MKI67: variants seen among roughly 807,000 people sequenced by gnomAD.
The protein encoded by MKI67 is marker of proliferation Ki-67, also known as proliferation marker protein Ki-67.
Under a neutral mutation model 233.5 loss-of-function variants are expected in MKI67, and 152 were observed. The observed-to-expected ratio is 0.65, with a 90% CI of 0.57 to 0.74. MKI67 has a LOEUF of 0.74. Among genes scored for constraint, MKI67 ranks in the 30% least tolerant of loss-of-function variants. The probability of loss-of-function intolerance (pLI) is 0.00; values close to 1 mark genes in which losing one functional copy is unlikely to be tolerated. For synonymous variants in MKI67, 1,465 were observed against 1,418.5 expected (o/e 1.03, Z -0.74); for missense variants, 3,940 against 3,885.2 (o/e 1.01, Z -0.37).
Position 128,105,614 on chromosome 10 carries a change from G to C in MKI67, c.6226C>G (p.Leu2076Val). 6.2e-7 allele frequency: 1 copy of C among 1,613,892 alleles called. No homozygotes were observed. The highest frequency in any genetic ancestry group is 1.7e-5 in the Admixed American group (1 of 59,994). The change falls in exon 13 of 15, where the codon CTG becomes GTG. Residue 2076 changes from leucine (L) to valine (V), a missense_variant. By Grantham distance (32) the Leu-to-Val change is conservative (BLOSUM62 1). Coordinates refer to ENST00000368654, the MANE Select transcript of MKI67 (RefSeq NM_002417.5). ...TGGAAGAGCTCTTTGAAGCCGGCCA[G>C]GTCTTCTAGTGATTGGGCCTCTTCC... is the stretch of plus-strand genomic sequence containing the variant. ...PKEEAQSLED[L>V]AGFKELFQTP...
At position 128,105,830 on chromosome 10, in the gene MKI67, C is replaced by A; in HGVS notation, c.6010G>T (p.Gly2004Trp). Residue 2004 changes from glycine (G) to tryptophan (W), a missense_variant, in exon 13 of 15, where the codon GGG becomes TGG. Transcript: ENST00000368654. The stretch of plus-strand genomic sequence containing the variant: ...ACCTCTTCTTTCACACCTACTTTCC[C>A]CAAGGATATCTTGAGTCGTTGCTTG... ...SSKQRLKISL[G>W]KVGVKEEVLP... The A allele has an allele frequency of 6.2e-7, 1 of 1,614,094 alleles. No individual in the cohort carries two copies. The highest frequency in any genetic ancestry group is 2.2e-5 in the East Asian group (1 of 44,876).
Position 128,105,558 on chromosome 10 carries a change from A to C in MKI67, c.6282T>G (p.Thr2094=). The C allele has an allele frequency of 6.2e-7, 1 of 1,613,708 alleles. No homozygotes were observed. Residue 2094 remains threonine, a synonymous_variant, in exon 13 of 15, where the codon ACT becomes ACG. Transcript: ENST00000368654. ...QTPDHTEEST[T]DDKTTKIACK... is the part of the protein sequence containing the mutation. ...AGGCTATTTTGGTAGTTTTGTCATC[A>C]GTTGTTGATTCCTCAGTGTGGTCTG...
At position 128,115,236 on chromosome 10, in the gene MKI67, G is replaced by A. The variant is rs200083255; in HGVS notation, c.1172C>T (p.Thr391Ile). 1.2e-6 allele frequency: 2 copies of A among 1,614,230 alleles called. No individual in the cohort carries two copies. Among genetic ancestry groups the A allele is most frequent in the African/African-American group, 2.7e-5 (2 of 75,062 alleles). Residue 391 changes from threonine to isoleucine, a missense_variant, in exon 7 of 15, where the codon ACT becomes ATT. Physicochemically the swap from Thr to Ile is moderately conservative, Grantham distance 89. Transcript: ENST00000368654. Reference sequence around the variant, plus strand: ...ATTTCTAGTTGAAAGCTTCCTGGGAGTAAGAGTTTTATCACCAGCCTTGAA... The same window carrying A: ...ATTTCTAGTTGAAAGCTTCCTGGGAATAAGAGTTTTATCACCAGCCTTGAA... ...EGFKAGDKTL[T>I]PRKLSTRNRT...
At chr10:128,116,057 T>C (rs1003025689) in intron 6 of MKI67, 50 bp from the exon 7 acceptor site, 1 of 1,511,004 alleles carries the variant, frequency 6.6e-7, no homozygotes, top group South Asian at 1.3e-5. Flanking sequence ...ATTTTCTCAA[T>C]GATTAACATT....
Position 128,109,423 on chromosome 10 carries a change from C to T in MKI67, c.2417G>A (p.Gly806Glu). 1 of 1,601,998 alleles carries T rather than the reference C, an allele frequency of 6.2e-7. No individual in the cohort carries two copies. The highest frequency in any genetic ancestry group is 8.5e-7 in the Non-Finnish European group (1 of 1,173,340). ...EPLLPTSESF[G>E]GNVFFSAQNA... The stretch of plus-strand genomic sequence containing the variant: ...CTGTGCACTGAAGAACACATTTCCT[C>T]CTGAAATAAAAACATACACAATAAA... The change falls in exon 13 of 15, where the codon GGA becomes GAA. Residue 806 changes from glycine to glutamate, a missense_variant and splice_region_variant. Gly to Glu is a moderately conservative substitution (Grantham distance 98). Coordinates refer to ENST00000368654, the MANE Select transcript of MKI67 (RefSeq NM_002417.5).
chr10:128,109,072 T>G lies in MKI67; in HGVS notation c.2768A>C (p.Lys923Thr). Residue 923 changes from lysine (K) to threonine (T), a missense_variant, in exon 13 of 15, where the codon AAG becomes ACG. Coordinates refer to ENST00000368654, the MANE Select transcript of MKI67 (RefSeq NM_002417.5). ...TGTCTCAAAAGGTCTTTCTATTTCCTTCATCTCTCCTTCTCTCCTTTGTTG... is the reference window on the plus strand; with the variant it reads ...TGTCTCAAAAGGTCTTTCTATTTCCGTCATCTCTCCTTCTCTCCTTTGTTG... Reference protein sequence around the residue: ...LLQQRREGEMKEIERPFETYK... With the variant: ...LLQQRREGEMTEIERPFETYK... The G allele has an allele frequency of 6.2e-7, 1 of 1,614,242 alleles. No individual in the cohort carries two copies. The highest frequency in any genetic ancestry group is 8.5e-7 in the Non-Finnish European group (1 of 1,180,038).
chr10:128,120,257 GA>G (rs1302632243), intron 4 of MKI67, among the ~76,000 whole-genome samples: 1 of 152,192 alleles, frequency 6.6e-6, no homozygotes, highest in Non-Finnish European at 1.5e-5. Flanking sequence ...TTGGGAGGCT[GA>G]AGCAGGTGGA....
chr10:128,109,882 C>T (rs1852630945), intron 12 of MKI67, among the ~76,000 whole-genome samples: 1 of 152,116 alleles, frequency 6.6e-6, no homozygotes, highest in African/African-American at 2.4e-5. Context: ...GCAAGCTGTT[C>T]CCTCTGTGAC....
In MKI67 at chr10:128,103,236, G is replaced by T; in HGVS notation, c.8604C>A (p.Thr2868=). 6.2e-7 allele frequency: 1 copy of T among 1,614,074 alleles called. No individual in the cohort carries two copies. The highest frequency in any genetic ancestry group is 8.5e-7 in the Non-Finnish European group (1 of 1,180,018). Reference sequence around the variant, plus strand: ...CTACCGGCTCTTTGTCGGTGTGCGTGGTCTCCCCTGAGGTTTGTGTGAGCT... The same window carrying T: ...CTACCGGCTCTTTGTCGGTGTGCGTTGTCTCCCCTGAGGTTTGTGTGAGCT... ...VGKLTQTSGE[T]THTDKEPVGE... Residue 2868 remains threonine, a synonymous_variant, in exon 13 of 15, where the codon ACC becomes ACA. Coordinates refer to ENST00000368654, the MANE Select transcript of MKI67 (RefSeq NM_002417.5).
chr10:128,108,774 T>C lies in MKI67; in HGVS notation c.3066A>G (p.Lys1022=), dbSNP rs1364298635. 2 of 1,614,066 alleles carry C rather than the reference T, an allele frequency of 1.2e-6. No individual in the cohort carries two copies. ...TCCCCAGGGATGCCTTCAACTGTTG[T>C]TTTGTGTGTGTTGGGGTGTTTATTG... ...PEPINTPTHT[K]QQLKASLGKV... The change falls in exon 13 of 15, where the codon AAA becomes AAG. Residue 1022 remains lysine (K), a synonymous_variant. Transcript: ENST00000368654.
intron 5 of MKI67, 24 bp downstream of exon 5, chr10:128,119,229 C>T (rs1477019692): frequency 6.5e-7 from 1 of 1,549,220 alleles, no homozygotes; most frequent in Non-Finnish European, 8.9e-7. Context: ...ACGAATCAGC[C>T]CAAACTTGGA....
At position 128,107,018 on chromosome 10, in the gene MKI67, C is replaced by G; in HGVS notation, c.4822G>C (p.Asp1608His). The G allele has an allele frequency of 1.2e-6, 2 of 1,613,850 alleles. No homozygotes were observed. Among genetic ancestry groups the G allele is most frequent in the East Asian group, 4.5e-5 (2 of 44,880 alleles). Reference protein sequence around the residue: ...RGHTEESMTNDKTAKVACKSS... With the variant: ...RGHTEESMTNHKTAKVACKSS... ...TTGCAGGCTACTTTGGCAGTTTTAT[C>G]GTTAGTCATTGATTCCTCAGTGTGA... Residue 1608 changes from aspartate (D) to histidine (H), a missense_variant, in exon 13 of 15, where the codon GAT (aspartate) becomes CAT (histidine). Transcript: ENST00000368654.
intron 5 of MKI67, among the ~76,000 whole-genome samples, chr10:128,118,447 C>T (rs979463607): frequency 6.7e-6 from 1 of 149,396 alleles, no homozygotes; most frequent in Admixed American, 6.7e-5. Flanking sequence ...AGAGTACCTA[C>T]TGCTAATTTC....
chr10:128,112,175 A>T lies in MKI67; in HGVS notation c.1927T>A (p.Cys643Ser). 6.2e-7 allele frequency: 1 copy of T among 1,614,244 alleles called. No homozygotes were observed. ...RSQHDILQMI[C>S]SKRRSGASEA... ...GAAGCACCACTTCTTCTTTTGGAACATATCATCTGTAAAATATCATGTTGA... is the reference window on the plus strand; with the variant it reads ...GAAGCACCACTTCTTCTTTTGGAACTTATCATCTGTAAAATATCATGTTGA... Residue 643 changes from cysteine to serine, a missense_variant, in exon 9 of 15, where the codon TGT (cysteine) becomes AGT (serine). Transcript: ENST00000368654.
intron 2 of MKI67, 113 bp from the exon 3 acceptor site, chr10:128,123,282 T>A: frequency 1.3e-6 from 1 of 753,184 alleles, no homozygotes; most frequent in Non-Finnish European, 2.3e-6. Context: ...AAATATGACA[T>A]AAAGGAGTAA....
chr10:128,125,625 C>T lies in MKI67; in HGVS notation c.43G>A (p.Val15Ile), dbSNP rs1853039226. ...CTCAGGGGAAAGTGGGGACCGTCGA[C>T]CCCGCTCCTTTTGATAGTAACCAGG... is the stretch of plus-strand genomic sequence containing the variant. ...RRLVTIKRSG[V>I]DGPHFPLSLS... The change falls in exon 2 of 15, where the codon GTC (valine) becomes ATC (isoleucine). Residue 15 changes from valine (V) to isoleucine (I), a missense_variant. Transcript: ENST00000368654. The surrounding 1 kb of genome is among the most constrained non-coding windows in gnomAD (Gnocchi z 5.3). The T allele has an allele frequency of 6.2e-7, 1 of 1,613,602 alleles. No homozygotes were observed. Among genetic ancestry groups the T allele is most frequent in the South Asian group, 1.1e-5 (1 of 91,054 alleles).
intron 4 of MKI67, among the ~76,000 whole-genome samples, chr10:128,121,647 T>A (rs1030157758): frequency 2.7e-5 from 4 of 147,972 alleles, no homozygotes; most frequent in African/African-American, 9.9e-5. Context: ...AATACAGTTT[T>A]CAATTACACA....
At chr10:128,111,537 T>A in intron 11 of MKI67, 108 bp downstream of exon 11, 1 of 981,572 alleles carries the variant, frequency 1.0e-6, no homozygotes. Context: ...GAGTCGTTTA[T>A]TTTATAATCT....
In MKI67 at chr10:128,102,705, C is replaced by A. The variant is rs1461262608; in HGVS notation, c.9135G>T (p.Val3045=). The A allele has an allele frequency of 6.2e-7, 1 of 1,614,198 alleles. No homozygotes were observed. Among genetic ancestry groups the A allele is most frequent in the African/African-American group, 1.3e-5 (1 of 75,042 alleles). The change falls in exon 13 of 15, where the codon GTG becomes GTT. Residue 3045 remains valine, a synonymous_variant. Coordinates refer to ENST00000368654, the MANE Select transcript of MKI67 (RefSeq NM_002417.5). ...TCCTCAAACTTCTCTTCATGATGAC[C>A]ACGGGTTCGGATGATTTGCCTCTTG... ...PRARGKSSEP[V]VIMKRSLRTS...
Sources: gnomAD v4.1 joint callset for allele counts (sites outside exome capture counted in the v4.1 genomes callset) on GRCh38, gnomAD v4.1.1 for gene constraint, Gnocchi (gnomAD v3.1) non-coding constraint, MANE v1.5 for transcripts, NCBI Gene and HGNC (gene_info 2026-07-23, HGNC 2026-07-21) for gene names.